Variants in CADM2 observed in about 807,000 individuals in gnomAD.
The protein encoded by CADM2 is cell adhesion molecule 2.
CADM2 carries 12 observed loss-of-function variants against 49.8 expected under a neutral mutation model. The observed-to-expected ratio is 0.24, with a 90% confidence interval of 0.15 to 0.39. The LOEUF (loss-of-function observed/expected upper bound fraction) is 0.39, where lower values mean the gene tolerates loss of function less well. Among genes scored for constraint, CADM2 ranks in the 10% least tolerant of loss-of-function variants. CADM2 has a pLI of 1.00. For synonymous variants in CADM2, 214 were observed against 175.4 expected, an observed-to-expected ratio of 1.22 and a Z score of -1.74; for missense variants, 378 against 492.3, an observed-to-expected ratio of 0.77 and a Z score of 2.20.
intron 8 of CADM2, among the ~76,000 whole-genome samples, chr3:85,996,853 T>C (rs936033493): frequency 6.6e-6 from 1 of 152,212 alleles, no homozygotes; most frequent in African/African-American, 2.4e-5. Flanking sequence ...AGTGATTATT[T>C]GACCAAGTCT....
chr3:85,284,920 GA>G (rs1330597232), intron 1 of CADM2, among the ~76,000 whole-genome samples: 1 of 151,924 alleles, frequency 6.6e-6, no homozygotes, highest in Admixed American at 6.6e-5. Flanking sequence ...ATTAGGGAGA[GA>G]CAACGAAAAA....
At chr3:86,020,318 C>A (rs1732965511) in intron 8 of CADM2, among the ~76,000 whole-genome samples, 1 of 151,716 alleles carries the variant, frequency 6.6e-6, no homozygotes, top group African/African-American at 2.4e-5. Flanking sequence ...AGACCAATAA[C>A]AGGAGCTGAA....
In CADM2 at chr3:85,030,938, G is replaced by A. The variant is rs75215621; in HGVS notation, c.61+71270G>A. 5.5e-3 allele frequency among the ~76,000 whole-genome samples: 747 copies of A among 136,252 alleles called. 6 individuals carry two copies. Among genetic ancestry groups the A allele is most frequent in the African/African-American group, 0.018 (719 of 39,028 alleles). The allele number at this position is 136,252 out of a possible 152,430, so 89.4% of individuals were successfully genotyped here. A position where few individuals can be genotyped will look rare whatever the true frequency, so the allele number is the denominator to read the frequency against. On this transcript the variant is annotated intron_variant, in intron 1 of 9. Coordinates refer to ENST00000383699, the MANE Select transcript of CADM2 (RefSeq NM_001167675.2). ...AACTTGAGTGGAATTTTATAAAGGGGGTATTTACAGAGAGGTGGGGACGAT... is the reference window on the plus strand; with the variant it reads ...AACTTGAGTGGAATTTTATAAAGGGAGTATTTACAGAGAGGTGGGGACGAT...
At chr3:85,848,958 A>C (rs1359162133) in intron 3 of CADM2, among the ~76,000 whole-genome samples, 4 of 152,196 alleles carry the variant, frequency 2.6e-5, no homozygotes, top group African/African-American at 9.7e-5. Context: ...ACATCTGAAC[A>C]AATTGGCAGA....
chr3:84,977,255 A>G (rs1182195971), intron 1 of CADM2, among the ~76,000 whole-genome samples: 3 of 152,158 alleles, frequency 2.0e-5, no homozygotes, highest in African/African-American at 7.2e-5. Flanking sequence ...TACTGACATC[A>G]TTGCACATGG....
intron 2 of CADM2, among the ~76,000 whole-genome samples, chr3:85,788,638 C>T (rs949293556): frequency 3.0e-4 from 45 of 151,222 alleles, no homozygotes; most frequent in African/African-American, 1.1e-3. Context: ...AAATAACTAG[C>T]AACAATAAGT....
chr3:85,604,306 G>T (rs1011363027), intron 1 of CADM2, among the ~76,000 whole-genome samples: 2 of 151,826 alleles, frequency 1.3e-5, no homozygotes, highest in East Asian at 3.9e-4. Context: ...AGGTTCTGAG[G>T]CTTAATCTCA....
At position 85,215,352 on chromosome 3, in the gene CADM2, C is replaced by CT. The variant is rs367894364; in HGVS notation, c.61+255690dup. On this transcript the variant is annotated intron_variant, in intron 1 of 9. Transcript: ENST00000383699. ...CTAAGTTGCAACACCAAAGTTCTCT[C>CT]TTTTTTAAAAAAAAAAAAAAAAAAA... is the stretch of plus-strand genomic sequence containing the variant. Among the ~76,000 whole-genome samples the CT allele has an allele frequency of 1.6e-4, 18 of 109,830 alleles. 1 individual carries two copies. The highest frequency in any genetic ancestry group is 9.5e-4 in the Admixed American group (9 of 9,466). The allele number at this position is 109,830 out of a possible 152,430, so 72.1% of individuals were successfully genotyped here.
intron 1 of CADM2, among the ~76,000 whole-genome samples, chr3:85,552,474 G>A (rs550711035): frequency 2.2e-4 from 32 of 142,896 alleles, no homozygotes; most frequent in Admixed American, 1.1e-3. Flanking sequence ...TCCGCCTCCC[G>A]GGTTCACGCC....
rs573056862 is a variant in CADM2 at position 84,959,142 on chromosome 3, C to G, written c.-466C>G. ...CTCCCCTCCCAGGACCCCGAGACAC[C>G]CCGGGCGCGAGCGGCAGTGCTGCTT... On this transcript the variant is annotated 5_prime_UTR_variant, in exon 1 of 10. Coordinates refer to ENST00000383699, the MANE Select transcript of CADM2 (RefSeq NM_001167675.2). The G allele has an allele frequency of 5.3e-6, 1 of 190,348 alleles. No homozygotes were observed. The highest frequency in any genetic ancestry group is 1.1e-5 in the Non-Finnish European group (1 of 91,938). The allele number at this position is 190,348 out of a possible 1,614,324, so 11.8% of individuals were successfully genotyped here.
intron 1 of CADM2, among the ~76,000 whole-genome samples, chr3:85,159,709 A>AT (rs2040254971): frequency 6.6e-6 from 1 of 152,136 alleles, no homozygotes; most frequent in South Asian, 2.1e-4. Context: ...AGCTTGGTTT[A>AT]TTTTTGCTTC....
At chr3:85,740,446 A>C (rs1251985487) in intron 2 of CADM2, among the ~76,000 whole-genome samples, 4 of 152,154 alleles carry the variant, frequency 2.6e-5, no homozygotes, top group African/African-American at 7.2e-5. Flanking sequence ...CCACTATTTC[A>C]ACCTAATTGA....
chr3:85,515,587 A>G (rs374547007), intron 1 of CADM2, among the ~76,000 whole-genome samples: 1 of 145,306 alleles, frequency 6.9e-6, no homozygotes, highest in Middle Eastern at 3.6e-3. Context: ...CACGCCCTAC[A>G]GGAGAGTGCC....
intron 1 of CADM2, among the ~76,000 whole-genome samples, chr3:85,387,578 G>T (rs1282398233): frequency 1.3e-5 from 2 of 152,082 alleles, no homozygotes; most frequent in African/African-American, 2.4e-5. Flanking sequence ...ATAACTTTCT[G>T]CAGGCAGTTC....
At chr3:85,043,111 A>C (rs1306895813) in intron 1 of CADM2, among the ~76,000 whole-genome samples, 2 of 152,094 alleles carry the variant, frequency 1.3e-5, no homozygotes, top group Non-Finnish European at 2.9e-5. Flanking sequence ...GTGGAAGATA[A>C]GGGTTATTTT....
At chr3:85,866,169 C>T (rs966703704) in intron 3 of CADM2, among the ~76,000 whole-genome samples, 3 of 151,898 alleles carry the variant, frequency 2.0e-5, no homozygotes, top group African/African-American at 7.3e-5. Context: ...GAAGAAAAAC[C>T]CCGAAGTGGA....
At chr3:86,020,703 A>G (rs1733039554) in intron 8 of CADM2, among the ~76,000 whole-genome samples, 2 of 152,138 alleles carry the variant, frequency 1.3e-5, no homozygotes, top group South Asian at 4.1e-4. Context: ...CAATAAATGT[A>G]ATCCAGCATA....
chr3:85,247,921 A>G (rs990779411), intron 1 of CADM2, among the ~76,000 whole-genome samples: 1 of 152,188 alleles, frequency 6.6e-6, no homozygotes, highest in African/African-American at 2.4e-5. Flanking sequence ...TTGAATATAT[A>G]TGAATAATTT....
chr3:85,968,888 C>T lies in CADM2; in HGVS notation c.970+7241C>T, dbSNP rs192561246. On this transcript the variant is annotated intron_variant, in intron 8 of 9. Coordinates refer to ENST00000383699, the MANE Select transcript of CADM2 (RefSeq NM_001167675.2). ...GAAGACATAGATTTTTACATAAAAC[C>T]TGCTTTGTAGCTTTTTACAGTATAG... Among the ~76,000 whole-genome samples the T allele has an allele frequency of 6.7e-4, 102 of 151,768 alleles. 1 individual carries two copies. Among genetic ancestry groups the T allele is most frequent in the Non-Finnish European group, 5.8e-4 (39 of 67,770 alleles).
Sources: gnomAD v4.1 joint callset for allele counts (sites outside exome capture counted in the v4.1 genomes callset) on GRCh38, gnomAD v4.1.1 for gene constraint, MANE v1.5 for transcripts, NCBI Gene and HGNC (gene_info 2026-07-23, HGNC 2026-07-21) for gene names.